The following SHROOM3 variants were observed in gnomAD, a reference collection of about 807,000 sequenced individuals.
SHROOM3 encodes the protein protein Shroom3.
In SHROOM3, 47 loss-of-function variants were observed where a neutral mutation model predicts 138.6. The ratio of observed to expected loss-of-function variants is 0.34; its 90% CI spans 0.27 to 0.43. The LOEUF (loss-of-function observed/expected upper bound fraction) is 0.43. Among genes scored for constraint, SHROOM3 ranks in the 20% least tolerant of loss-of-function variants. The probability of loss-of-function intolerance (pLI) is 1.00; values close to 1 mark genes in which losing one functional copy is unlikely to be tolerated. For missense variants in SHROOM3, 2,491 were observed against 2,596.5 expected (o/e 0.96, Z 0.88); for synonymous variants, 1,062 against 1,063.3 (o/e 1.00, Z 0.02).
intron 2 of SHROOM3, among the ~76,000 whole-genome samples, chr4:76,677,150 AG>A (rs1719063791): frequency 1.3e-5 from 2 of 152,320 alleles, no homozygotes; most frequent in African/African-American, 4.8e-5. Context: ...CGAGGTAAAA[AG>A]GGTTTAGAAG....
chr4:76,751,944 A>G (rs1721637886), intron 6 of SHROOM3, among the ~76,000 whole-genome samples: 1 of 152,250 alleles, frequency 6.6e-6, no homozygotes, highest in Non-Finnish European at 1.5e-5. Flanking sequence ...TGATCTGGCA[A>G]TGCCACTTCA....
At chr4:76,569,579 T>C (rs1026663966) in intron 2 of SHROOM3, among the ~76,000 whole-genome samples, 1 of 152,210 alleles carries the variant, frequency 6.6e-6, no homozygotes, top group African/African-American at 2.4e-5. Flanking sequence ...TATATTTTCT[T>C]TCTTACTGGT....
intron 9 of SHROOM3, among the ~76,000 whole-genome samples, chr4:76,765,832 T>C (rs1722136832): frequency 6.6e-6 from 1 of 152,260 alleles, no homozygotes; most frequent in Non-Finnish European, 1.5e-5. Flanking sequence ...GGCCTCCATT[T>C]CAACATTCAT....
intron 2 of SHROOM3, among the ~76,000 whole-genome samples, chr4:76,649,565 G>T (rs1735908613): frequency 6.6e-6 from 1 of 152,154 alleles, no homozygotes; most frequent in African/African-American, 2.4e-5. Flanking sequence ...TTGACATGGT[G>T]TTGTAAAAGG....
At chr4:76,534,253 G>A (rs767063103) in intron 1 of SHROOM3, among the ~76,000 whole-genome samples, 1 of 152,040 alleles carries the variant, frequency 6.6e-6, no homozygotes, top group African/African-American at 2.4e-5. Flanking sequence ...ATTGTGCATC[G>A]ATTTTAAAGA....
At chr4:76,564,703 C>G (rs544996630) in intron 2 of SHROOM3, among the ~76,000 whole-genome samples, 2 of 152,300 alleles carry the variant, frequency 1.3e-5, no homozygotes, top group East Asian at 3.9e-4. Context: ...GCACTAAACA[C>G]TAGCTTCATA....
At chr4:76,584,389 T>C (rs1267487077) in intron 2 of SHROOM3, among the ~76,000 whole-genome samples, 1 of 151,816 alleles carries the variant, frequency 6.6e-6, no homozygotes, top group Non-Finnish European at 1.5e-5. Context: ...GGACTGTGTA[T>C]GCAATATACA....
intron 2 of SHROOM3, among the ~76,000 whole-genome samples, chr4:76,556,972 C>T (rs1012744969): frequency 1.3e-5 from 2 of 152,114 alleles, no homozygotes; most frequent in African/African-American, 4.8e-5. Flanking sequence ...AATTGCTTCT[C>T]TGGTGGTCAG....
rs372584006 is a variant in SHROOM3, at chr4:76,541,605, C to T, written c.169-14004C>T. The stretch of plus-strand genomic sequence containing the variant: ...GTCGCACTGCACTTTCTGAGAAGGC[C>T]GGGATTCACATATGTGGGCGCACAC... On this transcript the variant is annotated intron_variant, in intron 1 of 10. Coordinates refer to ENST00000296043, the MANE Select transcript of SHROOM3 (RefSeq NM_020859.4). Among the ~76,000 whole-genome samples the T allele has an allele frequency of 1.0e-4, 15 of 144,722 alleles. No individual in the cohort carries two copies. The East Asian group carries it at 2.4e-3, about 23-fold the overall frequency. The allele number at this position is 144,722 out of a possible 152,430, so 94.9% of individuals were successfully genotyped here. A position where few individuals can be genotyped will look rare whatever the true frequency, so the allele number is the denominator to read the frequency against.
chr4:76,652,736 G>C (rs1735986078), intron 2 of SHROOM3, among the ~76,000 whole-genome samples: 2 of 147,494 alleles, frequency 1.4e-5, no homozygotes, highest in African/African-American at 5.0e-5. Flanking sequence ...AGATGTAAGA[G>C]ATACACTTGA....
At chr4:76,564,756 TA>T (rs750698516) in intron 2 of SHROOM3, among the ~76,000 whole-genome samples, 23 of 152,290 alleles carry the variant, frequency 1.5e-4, no homozygotes, top group Non-Finnish European at 3.1e-4. Context: ...GGTTTGATGA[TA>T]AAAGACCACA....
At chr4:76,589,819 T>C (rs4400023) in intron 2 of SHROOM3, among the ~76,000 whole-genome samples, 57,470 of 152,100 alleles carry the variant, frequency 0.38, 11,164 homozygotes, top group East Asian at 0.54. Context: ...GACCTGATAC[T>C]TATGCATTTA....
rs543188007 is a variant in SHROOM3, at chr4:76,562,195, G to A, written c.323+6432G>A. 4.6e-5 allele frequency among the ~76,000 whole-genome samples: 7 copies of A among 152,258 alleles called. No homozygotes were observed. The South Asian group carries it at 1.0e-3, about 23-fold the overall frequency. The stretch of plus-strand genomic sequence containing the variant: ...ACTTGAGTCTCTGCAGCAGCCTCTG[G>A]AAATGAAACTCTGGGCTGCATTAGT... On this transcript the variant is annotated intron_variant, in intron 2 of 10. Transcript: ENST00000296043.
intron 2 of SHROOM3, among the ~76,000 whole-genome samples, chr4:76,578,101 G>A (rs1432138511): frequency 1.3e-5 from 2 of 152,104 alleles, no homozygotes; most frequent in African/African-American, 2.4e-5. Flanking sequence ...AGAAAAGAAG[G>A]TTATCATAGT....
chr4:76,614,414 A>T (rs1734829669), intron 2 of SHROOM3, among the ~76,000 whole-genome samples: 1 of 151,934 alleles, frequency 6.6e-6, no homozygotes. Flanking sequence ...CAAATGGAGG[A>T]CTCGTGCCCC....
In SHROOM3 at chr4:76,550,477, C is replaced by A. The variant is rs976213814; in HGVS notation, c.169-5132C>A. ...TGCCTGGGTTGATAAGGAGACATTT[C>A]ATAATGGAAGAGTATTTGGAGGAAA... On this transcript the variant is annotated intron_variant, in intron 1 of 10. Transcript: ENST00000296043. 2.6e-5 allele frequency among the ~76,000 whole-genome samples: 4 copies of A among 152,168 alleles called. No individual in the cohort carries two copies. In the South Asian group the frequency reaches 8.3e-4, roughly 32 times the overall value.
At chr4:76,648,589 C>T (rs557010976) in intron 2 of SHROOM3, among the ~76,000 whole-genome samples, 1 of 152,000 alleles carries the variant, frequency 6.6e-6, no homozygotes. Context: ...TTGTTCAGAT[C>T]GCTTTGAAAG....
intron 1 of SHROOM3, among the ~76,000 whole-genome samples, chr4:76,519,841 G>A (rs1004335775): frequency 3.9e-5 from 6 of 152,122 alleles, no homozygotes; most frequent in East Asian, 3.8e-4. Flanking sequence ...TATGAGAATT[G>A]GGTGGAAATG....
chr4:76,436,329 T>A (rs1288949115), intron 1 of SHROOM3, 109 bp downstream of exon 1: 8 of 1,212,968 alleles, frequency 6.6e-6, no homozygotes, highest in Non-Finnish European at 8.3e-6. Flanking sequence ...CTTAATTTGC[T>A]GTTTCATGCC....
Sources: gnomAD v4.1 joint callset for allele counts (sites outside exome capture counted in the v4.1 genomes callset) on GRCh38, gnomAD v4.1.1 for gene constraint, MANE v1.5 for transcripts, NCBI Gene and HGNC (gene_info 2026-07-23, HGNC 2026-07-21) for gene names.